The following PTPRM variants were observed in gnomAD, a reference collection of about 807,000 sequenced individuals.
PTPRM encodes protein tyrosine phosphatase receptor type M.
In PTPRM, 47 loss-of-function variants were observed where a neutral mutation model predicts 186.7. The ratio of observed to expected loss-of-function variants is 0.25; its 90% CI spans 0.20 to 0.32. PTPRM has a LOEUF of 0.32. Among genes scored for constraint, PTPRM ranks in the 10% least tolerant of loss-of-function variants. The probability of loss-of-function intolerance (pLI) is 1.00; values close to 1 mark genes in which losing one functional copy is unlikely to be tolerated. For synonymous variants in PTPRM, 668 were observed against 674.9 expected (o/e 0.99, Z 0.16); for missense variants, 1,494 against 1,865.0 (o/e 0.80, Z 3.66).
At chr18:8,313,354 T>C (rs1332756907) in intron 20 of PTPRM, among the ~76,000 whole-genome samples, 1 of 152,210 alleles carries the variant, frequency 6.6e-6, no homozygotes, top group East Asian at 1.9e-4. Flanking sequence ...TACACTTTAA[T>C]TGGAAGGAAG....
intron 11 of PTPRM, among the ~76,000 whole-genome samples, chr18:8,100,208 G>A (rs534465161): frequency 3.3e-5 from 5 of 152,042 alleles, no homozygotes; most frequent in East Asian, 3.9e-4. Flanking sequence ...GCGTGATCTC[G>A]GCTCACTGCA....
chr18:7,628,173 T>C (rs374334587), intron 1 of PTPRM, among the ~76,000 whole-genome samples: 15 of 152,042 alleles, frequency 9.9e-5, no homozygotes, highest in African/African-American at 3.6e-4. Flanking sequence ...CAAACACACA[T>C]GCACGCACAC....
At chr18:8,321,051 C>T (rs555361788) in intron 22 of PTPRM, among the ~76,000 whole-genome samples, 4 of 152,218 alleles carry the variant, frequency 2.6e-5, no homozygotes, top group East Asian at 3.9e-4. Context: ...TCATCAATGC[C>T]GTTAGAGGAA....
intron 7 of PTPRM, among the ~76,000 whole-genome samples, chr18:7,973,455 T>G (rs987113075): frequency 2.6e-5 from 4 of 152,204 alleles, no homozygotes; most frequent in Non-Finnish European, 5.9e-5. Context: ...TTATATGTTC[T>G]TGTTTTAATT....
chr18:7,934,437 T>A (rs2051677687), intron 5 of PTPRM, among the ~76,000 whole-genome samples: 1 of 152,218 alleles, frequency 6.6e-6, no homozygotes, highest in Non-Finnish European at 1.5e-5. Context: ...TGAGCTCAGA[T>A]AATTTTAAAA....
intron 1 of PTPRM, among the ~76,000 whole-genome samples, chr18:7,746,619 C>T (rs868329043): frequency 4.0e-4 from 61 of 152,196 alleles, no homozygotes; most frequent in African/African-American, 7.9e-4. Flanking sequence ...GCGTGCAACA[C>T]CATGCCTGGC....
At chr18:8,190,953 G>T (rs773165552) in intron 14 of PTPRM, among the ~76,000 whole-genome samples, 22 of 152,302 alleles carry the variant, frequency 1.4e-4, no homozygotes, top group Non-Finnish European at 3.1e-4. Flanking sequence ...TTACAGACTT[G>T]CATAGGAAAG....
At chr18:7,691,481 T>G (rs2039731469) in intron 1 of PTPRM, among the ~76,000 whole-genome samples, 1 of 152,192 alleles carries the variant, frequency 6.6e-6, no homozygotes, top group Non-Finnish European at 1.5e-5. Flanking sequence ...GACTTTGGCA[T>G]GTTGAAAACC....
chr18:7,601,318 T>C (rs955936446), intron 1 of PTPRM, among the ~76,000 whole-genome samples: 5 of 152,220 alleles, frequency 3.3e-5, no homozygotes, highest in Admixed American at 3.3e-4. Context: ...CTTTTATTTC[T>C]TGCTGTATGA....
chr18:8,319,337 G>T (rs1893226), intron 22 of PTPRM, 123 bp downstream of exon 22: 2 of 640,244 alleles, frequency 3.1e-6, no homozygotes, highest in East Asian at 6.0e-5. Flanking sequence ...GCCATCGGCA[G>T]GTACACTCTT....
At chr18:7,593,099 G>A (rs2037168732) in intron 1 of PTPRM, among the ~76,000 whole-genome samples, 1 of 152,198 alleles carries the variant, frequency 6.6e-6, no homozygotes, top group East Asian at 1.9e-4. Context: ...TCAGTGGCAA[G>A]GAAAGTGTGC....
intron 7 of PTPRM, among the ~76,000 whole-genome samples, chr18:8,037,071 G>A (rs765869625): frequency 1.3e-5 from 2 of 152,156 alleles, no homozygotes; most frequent in Non-Finnish European, 2.9e-5. Flanking sequence ...GAATGATCTG[G>A]ACAGAATGAT....
intron 14 of PTPRM, among the ~76,000 whole-genome samples, chr18:8,228,264 G>C (rs2094240242): frequency 6.6e-6 from 1 of 152,104 alleles, no homozygotes; most frequent in South Asian, 2.1e-4. Flanking sequence ...TCCTGCTCCA[G>C]GCCCAGGGAC....
At chr18:7,915,637 C>T (rs1009406341) in intron 4 of PTPRM, among the ~76,000 whole-genome samples, 1 of 151,836 alleles carries the variant, frequency 6.6e-6, no homozygotes, top group African/African-American at 2.4e-5. Flanking sequence ...ATCAACACTG[C>T]GAAATAGGTA....
intron 14 of PTPRM, among the ~76,000 whole-genome samples, chr18:8,209,276 C>T (rs1434381338): frequency 6.6e-6 from 1 of 152,090 alleles, no homozygotes; most frequent in East Asian, 1.9e-4. Flanking sequence ...GCACCGACAG[C>T]ACAGGCCAGA....
intron 31 of PTPRM, among the ~76,000 whole-genome samples, chr18:8,390,667 G>A (rs997659593): frequency 3.9e-5 from 6 of 152,176 alleles, no homozygotes; most frequent in Non-Finnish European, 8.8e-5. Context: ...AGTGGCTCAC[G>A]CCTATAATCC....
chr18:8,383,079 C>T (rs1027266993), intron 29 of PTPRM, among the ~76,000 whole-genome samples: 1 of 151,852 alleles, frequency 6.6e-6, no homozygotes, highest in Non-Finnish European at 1.5e-5. Flanking sequence ...GCGGGTGGAT[C>T]ATGAGGTCAA....
At chr18:7,750,062 T>C (rs1207608304) in intron 1 of PTPRM, among the ~76,000 whole-genome samples, 2 of 152,188 alleles carry the variant, frequency 1.3e-5, no homozygotes, top group African/African-American at 4.8e-5. Context: ...TTCTACTTGA[T>C]AAGGGTTTCC....
chr18:8,182,787 G>A (rs934321811), intron 14 of PTPRM, among the ~76,000 whole-genome samples: 1 of 152,134 alleles, frequency 6.6e-6, no homozygotes, highest in Non-Finnish European at 1.5e-5. Flanking sequence ...TTGACTCATA[G>A]CAGAAAAGTG....
Sources: allele counts gnomAD v4.1 joint callset (sites outside exome capture counted in the v4.1 genomes callset), GRCh38; gene constraint gnomAD v4.1.1; transcripts MANE v1.5; gene names NCBI Gene and HGNC (gene_info 2026-07-23, HGNC 2026-07-21).